The following THSD7B variants were observed in gnomAD, a reference collection of about 807,000 sequenced individuals.
THSD7B encodes thrombospondin type 1 domain containing 7B, also known as thrombospondin type-1 domain-containing protein 7B.
Under a neutral mutation model 213.6 loss-of-function variants are expected in THSD7B, and 138 were observed. The ratio of observed to expected loss-of-function variants is 0.65; its 90% CI spans 0.56 to 0.74. The LOEUF is 0.74. Ranked by LOEUF, THSD7B falls within the 30% of genes least tolerant of loss-of-function variation. The probability of loss-of-function intolerance (pLI) is 0.00; values close to 1 mark genes in which losing one functional copy is unlikely to be tolerated. For synonymous variants in THSD7B, 742 were observed against 687.0 expected, an observed-to-expected ratio of 1.08 and a Z score of -1.25; for missense variants, 1,931 against 1,991.5, an observed-to-expected ratio of 0.97 and a Z score of 0.58.
chr2:137,260,489 A>T (rs886960131), intron 10 of THSD7B, among the ~76,000 whole-genome samples: 8 of 152,152 alleles, frequency 5.3e-5, no homozygotes, highest in Admixed American at 1.3e-4. Context: ...TTGTCCAGGC[A>T]TGGTGGTTCA....
intron 7 of THSD7B, among the ~76,000 whole-genome samples, chr2:137,198,668 G>A (rs1414510313): frequency 1.3e-5 from 2 of 152,072 alleles, no homozygotes; most frequent in African/African-American, 4.8e-5. Context: ...CTGGGGGTGG[G>A]AGCTTTAGGT....
chr2:137,397,200 T>C (rs143811004), intron 12 of THSD7B, among the ~76,000 whole-genome samples: 88,156 of 151,566 alleles, frequency 0.58, 28,126 homozygotes, highest in East Asian at 0.77. Flanking sequence ...AATTTGATCC[T>C]GTCATTATGA....
At chr2:137,085,150 A>G (rs146899882) in intron 3 of THSD7B, among the ~76,000 whole-genome samples, 251 of 152,344 alleles carry the variant, frequency 1.6e-3, no homozygotes, top group African/African-American at 5.9e-3. Context: ...GGCAAGCTAA[A>G]AAGTAAAGAC....
chr2:137,198,732 G>A (rs1680816878), intron 7 of THSD7B, among the ~76,000 whole-genome samples: 1 of 152,168 alleles, frequency 6.6e-6, no homozygotes, highest in South Asian at 2.1e-4. Context: ...GGATTCTCAT[G>A]AACTTGCTGT....
chr2:136,805,844 A>G (rs1682270618), intron 1 of THSD7B, among the ~76,000 whole-genome samples: 3 of 152,122 alleles, frequency 2.0e-5, no homozygotes, highest in Non-Finnish European at 4.4e-5. Context: ...TGGTCCCTTC[A>G]GGTTAGGGGG....
At chr2:137,282,304 G>A (rs190244373) in intron 12 of THSD7B, among the ~76,000 whole-genome samples, 309 of 152,006 alleles carry the variant, frequency 2.0e-3, no homozygotes, top group Middle Eastern at 3.4e-3. Flanking sequence ...CTGGATATTA[G>A]CCCTTTGTCA....
intron 10 of THSD7B, among the ~76,000 whole-genome samples, chr2:137,245,211 T>G (rs914447412): frequency 6.6e-6 from 1 of 152,200 alleles, no homozygotes; most frequent in Non-Finnish European, 1.5e-5. Context: ...CATAAGAGCA[T>G]GGATGCTGGA....
intron 2 of THSD7B, among the ~76,000 whole-genome samples, chr2:136,966,891 C>G (rs942664556): frequency 1.3e-5 from 2 of 152,136 alleles, no homozygotes; most frequent in Non-Finnish European, 2.9e-5. Context: ...GACTTTCTTT[C>G]ACGTAGAAAG....
intron 15 of THSD7B, among the ~76,000 whole-genome samples, chr2:137,471,394 TA>T (rs1688092630): frequency 6.6e-6 from 1 of 152,136 alleles, no homozygotes. Flanking sequence ...CCTTGACAAA[TA>T]CACCTTCATA....
intron 2 of THSD7B, among the ~76,000 whole-genome samples, chr2:137,043,927 A>G (rs778900945): frequency 2.6e-5 from 4 of 152,164 alleles, no homozygotes; most frequent in Non-Finnish European, 5.9e-5. Flanking sequence ...TAACCCCCAC[A>G]CTGAAGGTGA....
intron 1 of THSD7B, among the ~76,000 whole-genome samples, chr2:136,803,304 G>A (rs1466078196): frequency 6.6e-6 from 1 of 152,108 alleles, no homozygotes. Flanking sequence ...TATAACTATT[G>A]TGATTGAATC....
intron 15 of THSD7B, among the ~76,000 whole-genome samples, chr2:137,476,294 T>A (rs1246559354): frequency 6.6e-6 from 1 of 152,192 alleles, no homozygotes; most frequent in Non-Finnish European, 1.5e-5. Context: ...TTGATTGTTA[T>A]CTGTGTAGAA....
intron 2 of THSD7B, among the ~76,000 whole-genome samples, chr2:136,977,813 T>G (rs1407010130): frequency 1.3e-5 from 2 of 149,562 alleles, no homozygotes; most frequent in African/African-American, 2.5e-5. Context: ...TTTTTTTTTT[T>G]TTTTTTTTTA....
At chr2:137,101,559 AG>A (rs1181601131) in intron 4 of THSD7B, among the ~76,000 whole-genome samples, 1 of 152,172 alleles carries the variant, frequency 6.6e-6, no homozygotes. Flanking sequence ...TCTCCTGGAA[AG>A]GGGGCTGAAG....
intron 15 of THSD7B, chr2:137,452,075 T>C (rs1376535567): frequency 1.8e-5 from 17 of 941,338 alleles, no homozygotes; most frequent in Non-Finnish European, 2.0e-5. Flanking sequence ...TCAAGACCAA[T>C]CTCTTTAGCT....
chr2:137,675,670 G>A (rs1683684000), intron 27 of THSD7B, among the ~76,000 whole-genome samples: 1 of 151,996 alleles, frequency 6.6e-6, no homozygotes, highest in Admixed American at 6.5e-5. Context: ...CACTTAGTAT[G>A]CATCGAATAA....
intron 3 of THSD7B, among the ~76,000 whole-genome samples, chr2:137,083,316 G>T (rs908720328): frequency 9.2e-5 from 14 of 152,054 alleles, no homozygotes; most frequent in African/African-American, 3.4e-4. Flanking sequence ...TACTCTTCCA[G>T]CTAAACTTCT....
chr2:137,411,504 T>C (rs1686650055), intron 13 of THSD7B, 105 bp from the exon 14 acceptor site: 1 of 1,120,156 alleles, frequency 8.9e-7, no homozygotes, highest in Admixed American at 2.6e-5. Context: ...AACAAAGGCT[T>C]TATTTTATTT....
At chr2:137,188,552 T>C (rs1288894007) in intron 7 of THSD7B, among the ~76,000 whole-genome samples, 1 of 152,198 alleles carries the variant, frequency 6.6e-6, no homozygotes, top group African/African-American at 2.4e-5. Flanking sequence ...CACATTACCA[T>C]AGAAAGGGCT....
Sources: allele counts gnomAD v4.1 joint callset (sites outside exome capture counted in the v4.1 genomes callset), GRCh38; gene constraint gnomAD v4.1.1; transcripts MANE v1.5; gene names NCBI Gene and HGNC (gene_info 2026-07-23, HGNC 2026-07-21).